ASIC2: variants seen among roughly 807,000 people sequenced by gnomAD.
The protein encoded by ASIC2 is acid-sensing ion channel 2.
In ASIC2, 25 loss-of-function variants were observed where a neutral mutation model predicts 57.3. The observed-to-expected ratio is 0.44, with a 90% CI of 0.32 to 0.61. The LOEUF (loss-of-function observed/expected upper bound fraction) is 0.61, where lower values mean the gene tolerates loss of function less well. ASIC2 is among the 20% of genes least tolerant of loss of function. The probability of loss-of-function intolerance (pLI) is 0.06; values close to 1 mark genes in which losing one functional copy is unlikely to be tolerated. For synonymous variants in ASIC2, 319 were observed against 307.5 expected (o/e 1.04, Z -0.39); for missense variants, 641 against 738.1 (o/e 0.87, Z 1.52).
intron 1 of ASIC2, among the ~76,000 whole-genome samples, chr17:33,375,065 C>A (rs2062363849): frequency 6.6e-6 from 1 of 152,044 alleles, no homozygotes; most frequent in Non-Finnish European, 1.5e-5. Flanking sequence ...TAATCCTGAG[C>A]CAGAATTATT....
intron 1 of ASIC2, among the ~76,000 whole-genome samples, chr17:33,700,041 T>C (rs907825194): frequency 2.0e-5 from 3 of 152,180 alleles, no homozygotes; most frequent in African/African-American, 4.8e-5. Flanking sequence ...ATATTTTGGC[T>C]ACCCTGAGAC....
rs765631881 is a variant in ASIC2 at position 33,021,242 on chromosome 17, G to T, written c.1418C>A (p.Ala473Glu). The T allele has an allele frequency of 2.0e-6, 3 of 1,510,814 alleles. No homozygotes were observed. Among genetic ancestry groups the T allele is most frequent in the African/African-American group, 2.8e-5 (2 of 71,178 alleles). 93.6% of individuals were successfully genotyped at this position (1,510,814 alleles called of 1,614,324 possible). The change falls in exon 7 of 10, where the codon GCG becomes GAG. Residue 473 changes from alanine (A) to glutamate (E), a missense_variant. Physicochemically the swap from Ala to Glu is moderately radical, Grantham distance 107. Transcript: ENST00000225823. ...LNYETIEQKK[A>E]YEVAALLGDI... ...ACCAAGTAAGGCAGCAACTTCATAC[G>T]CCTTCTTCTGTTCAATTGTCTCATA...
rs544397916 is a variant in ASIC2, at chr17:33,663,193, G to C, written c.555+492785C>G. On this transcript the variant is annotated intron_variant, in intron 1 of 9. Transcript: ENST00000359872. ...GCAAATGAGAAAATTGAGGCTTTGT[G>C]AGCTTACCCAAGCTTTCCAGGTTCA... Among the ~76,000 whole-genome samples, 3 of 152,354 alleles carry C rather than the reference G, an allele frequency of 2.0e-5. No homozygotes were observed. In the East Asian group the frequency reaches 5.8e-4, roughly 29 times the overall value.
chr17:33,548,712 G>C (rs1324782453), intron 1 of ASIC2, among the ~76,000 whole-genome samples: 1 of 152,110 alleles, frequency 6.6e-6, no homozygotes, highest in Non-Finnish European at 1.5e-5. Flanking sequence ...ACACTCAACT[G>C]TTTTTCCAAG....
At chr17:33,647,617 C>T (rs1906785256) in intron 1 of ASIC2, among the ~76,000 whole-genome samples, 1 of 152,198 alleles carries the variant, frequency 6.6e-6, no homozygotes, top group South Asian at 2.1e-4. Context: ...TGTGTGTTCA[C>T]CCATGAGTGT....
chr17:33,141,914 G>A (rs1457099592), intron 1 of ASIC2, among the ~76,000 whole-genome samples: 2 of 152,164 alleles, frequency 1.3e-5, no homozygotes, highest in African/African-American at 4.8e-5. Context: ...CATGAAGTCT[G>A]AAAACTTAGG....
At chr17:33,932,286 A>G (rs1032761637) in intron 1 of ASIC2, among the ~76,000 whole-genome samples, 8 of 152,254 alleles carry the variant, frequency 5.3e-5, no homozygotes, top group Non-Finnish European at 7.3e-5. Context: ...GAGATATGCT[A>G]TAAGTGTACA....
At chr17:34,011,357 G>A (rs1268386640) in intron 1 of ASIC2, among the ~76,000 whole-genome samples, 1 of 152,032 alleles carries the variant, frequency 6.6e-6, no homozygotes, top group East Asian at 1.9e-4. Context: ...TTGGGCTCAG[G>A]TCACTCACTA....
At chr17:33,563,969 T>C (rs1916154590) in intron 1 of ASIC2, among the ~76,000 whole-genome samples, 1 of 152,152 alleles carries the variant, frequency 6.6e-6, no homozygotes, top group African/African-American at 2.4e-5. Context: ...ACTCGAATAT[T>C]TCTTACGAGA....
intron 1 of ASIC2, among the ~76,000 whole-genome samples, chr17:33,385,494 T>C (rs1385770324): frequency 6.6e-6 from 1 of 152,254 alleles, no homozygotes; most frequent in Non-Finnish European, 1.5e-5. Flanking sequence ...GGGTAAGCTG[T>C]TCTCTCACAT....
intron 1 of ASIC2, among the ~76,000 whole-genome samples, chr17:33,521,943 T>C (rs1031465646): frequency 6.6e-6 from 1 of 152,180 alleles, no homozygotes; most frequent in Admixed American, 6.5e-5. Context: ...GGAGGCCCTC[T>C]GGCAACTGCG....
intron 7 of ASIC2, among the ~76,000 whole-genome samples, chr17:33,020,439 A>C (rs957387345): frequency 6.6e-6 from 1 of 152,138 alleles, no homozygotes; most frequent in African/African-American, 2.4e-5. Flanking sequence ...GCTCAGGGAG[A>C]CAACAGCTAT....
chr17:33,463,570 G>A (rs181764869), intron 1 of ASIC2, among the ~76,000 whole-genome samples: 72 of 152,308 alleles, frequency 4.7e-4, no homozygotes, highest in South Asian at 4.1e-3. Context: ...AGGTAAGGTA[G>A]CATCTCCAGG....
At chr17:33,814,087 G>A (rs1047069436) in intron 1 of ASIC2, among the ~76,000 whole-genome samples, 4 of 152,088 alleles carry the variant, frequency 2.6e-5, no homozygotes, top group Admixed American at 6.5e-5. Flanking sequence ...GGAGAAATGA[G>A]TTTCTCCATG....
At chr17:33,024,116 G>A in intron 5 of ASIC2, 102 bp from the exon 6 acceptor site, 4 of 1,488,938 alleles carry the variant, frequency 2.7e-6, no homozygotes, top group Non-Finnish European at 3.7e-6. Flanking sequence ...AGCTGGGAAG[G>A]GGCACTGGTC....
chr17:33,989,745 A>G (rs1905944868), intron 1 of ASIC2, among the ~76,000 whole-genome samples: 1 of 152,168 alleles, frequency 6.6e-6, no homozygotes, highest in Non-Finnish European at 1.5e-5. Context: ...TTAATTTTGT[A>G]CAAGGTGTCA....
chr17:33,379,395 T>C (rs1909397177), intron 1 of ASIC2, among the ~76,000 whole-genome samples: 1 of 152,214 alleles, frequency 6.6e-6, no homozygotes, highest in Admixed American at 6.5e-5. Flanking sequence ...TTTACCCCTT[T>C]GTCAGAAATG....
intron 1 of ASIC2, among the ~76,000 whole-genome samples, chr17:34,057,518 C>T (rs1908814520): frequency 6.6e-6 from 1 of 151,966 alleles, no homozygotes; most frequent in Non-Finnish European, 1.5e-5. Context: ...ATTACTGGAG[C>T]TTTAGTAGGA....
intron 1 of ASIC2, chr17:34,003,845 G>C (rs1906429219): frequency 6.6e-6 from 1 of 152,218 alleles, no homozygotes. Flanking sequence ...CCATGAAGCA[G>C]ATATTGGCTC....
Sources: gnomAD v4.1 joint callset for allele counts (sites outside exome capture counted in the v4.1 genomes callset) on GRCh38, gnomAD v4.1.1 for gene constraint, MANE v1.5 for transcripts, NCBI Gene and HGNC (gene_info 2026-07-23, HGNC 2026-07-21) for gene names.